TCF4: variants seen among roughly 807,000 people sequenced by gnomAD.
The protein encoded by TCF4 is transcription factor 4, also known as SL3-3 enhancer factor 2.
Under a neutral mutation model 82.1 loss-of-function variants are expected in TCF4, and 3 were observed. The ratio of observed to expected loss-of-function variants is 0.04; its 90% confidence interval spans 0.02 to 0.09. The LOEUF is 0.09. Ranked by LOEUF, TCF4 falls within the 10% of genes least tolerant of loss-of-function variation. The pLI, the probability that TCF4 is intolerant of heterozygous loss-of-function variation, is 1.00. For synonymous variants in TCF4, 276 were observed against 309.6 expected, an observed-to-expected ratio of 0.89 and a Z score of 1.14; for missense variants, 518 against 852.7, an observed-to-expected ratio of 0.61 and a Z score of 4.89.
chr18:55,561,144 T>C (rs2097351667), intron 3 of TCF4, among the ~76,000 whole-genome samples: 1 of 152,242 alleles, frequency 6.6e-6, no homozygotes. Flanking sequence ...TCTTCTTTTG[T>C]CTAAGAATCC....
chr18:55,484,822 A>G (rs911911251), intron 3 of TCF4, among the ~76,000 whole-genome samples: 4 of 152,200 alleles, frequency 2.6e-5, no homozygotes, highest in Non-Finnish European at 4.4e-5. Flanking sequence ...TGTTGGTCCA[A>G]TATCTATTTT....
rs1248618425 is a variant in TCF4 at position 55,633,136 on chromosome 18, T to C, written c.196-1748A>G. Reference sequence around the variant, plus strand: ...CCTCACAGTTTCTATGGGTTGGGTATTTGGAATGTGGCTTAGCCAGATAGT... The same window carrying C: ...CCTCACAGTTTCTATGGGTTGGGTACTTGGAATGTGGCTTAGCCAGATAGT... On this transcript the variant is annotated intron_variant, in intron 1 of 20. Coordinates refer to the TCF4 transcript ENST00000398339. This position sits in a 1 kb window ranked among gnomAD's most constrained non-coding sequence, Gnocchi z 4.0. Among the ~76,000 whole-genome samples the C allele has an allele frequency of 6.6e-6, 1 of 152,194 alleles. No individual in the cohort carries two copies. The highest frequency in any genetic ancestry group is 1.9e-4 in the East Asian group (1 of 5,200).
chr18:55,346,695 T>C (rs1439325060), intron 8 of TCF4, among the ~76,000 whole-genome samples: 1 of 152,210 alleles, frequency 6.6e-6, no homozygotes, highest in African/African-American at 2.4e-5. Context: ...AGTTTGTAGT[T>C]GTTAACAGTT....
intron 6 of TCF4, among the ~76,000 whole-genome samples, chr18:55,378,721 C>T (rs983255627): frequency 6.6e-6 from 1 of 152,228 alleles, no homozygotes; most frequent in East Asian, 1.9e-4. Flanking sequence ...GACCTTTTCT[C>T]TTCTCTTACA....
chr18:55,629,275 A>G (rs779014495), intron 2 of TCF4, among the ~76,000 whole-genome samples: 1 of 152,232 alleles, frequency 6.6e-6, no homozygotes, highest in African/African-American at 2.4e-5. Flanking sequence ...GTGGAAATGT[A>G]AAATTCATAC....
intron 5 of TCF4, among the ~76,000 whole-genome samples, chr18:55,430,539 C>T (rs1277672180): frequency 2.6e-5 from 4 of 152,056 alleles, no homozygotes; most frequent in African/African-American, 7.2e-5. Context: ...CCCAAGATCA[C>T]GCAGCTACTG....
intron 11 of TCF4, chr18:55,268,618 T>C (rs1180283224): frequency 2.6e-5 from 4 of 152,144 alleles, no homozygotes; most frequent in African/African-American, 9.7e-5. Flanking sequence ...AGATATATTA[T>C]TGAATACGCA....
At chr18:55,376,785 T>G (rs1303333085) in intron 6 of TCF4, among the ~76,000 whole-genome samples, 1 of 152,180 alleles carries the variant, frequency 6.6e-6, no homozygotes, top group Non-Finnish European at 1.5e-5. Context: ...CCCAAGAACC[T>G]CAATATGTTC....
intron 5 of TCF4, among the ~76,000 whole-genome samples, chr18:55,450,836 A>G (rs1239669497): frequency 1.3e-5 from 2 of 152,246 alleles, no homozygotes; most frequent in African/African-American, 4.8e-5. Flanking sequence ...CCTACAACAC[A>G]GGCAAAGAAA....
At chr18:55,278,562 G>GTTTT (rs377533914) in intron 9 of TCF4, among the ~76,000 whole-genome samples, 3,157 of 105,076 alleles carry the variant, frequency 0.03, 59 homozygotes, top group Non-Finnish European at 0.048. Context: ...TTATTTGTTT[G>GTTTT]TTTATTTATT....
chr18:55,623,453 A>G (rs1394437000), intron 2 of TCF4, among the ~76,000 whole-genome samples: 1 of 152,178 alleles, frequency 6.6e-6, no homozygotes, highest in East Asian at 1.9e-4. Flanking sequence ...AATAAGACAC[A>G]TTTTTTAAAC....
intron 3 of TCF4, among the ~76,000 whole-genome samples, chr18:55,471,466 C>T (rs1015486810): frequency 6.6e-6 from 1 of 152,064 alleles, no homozygotes; most frequent in East Asian, 1.9e-4. Flanking sequence ...TTTGGGAAGC[C>T]GAGGCAGGTG....
At chr18:55,381,923 T>C (rs568773454) in intron 6 of TCF4, among the ~76,000 whole-genome samples, 1 of 134,030 alleles carries the variant, frequency 7.5e-6, no homozygotes, top group Non-Finnish European at 1.6e-5. Flanking sequence ...TTTTTTTTTT[T>C]TTAAAAAAGG....
intron 8 of TCF4, among the ~76,000 whole-genome samples, chr18:55,338,604 T>C (rs542183429): frequency 5.9e-5 from 9 of 152,348 alleles, no homozygotes; most frequent in African/African-American, 2.2e-4. Flanking sequence ...CAGGTTTCCT[T>C]CTTTTTCTTT....
upstream of TCF4, among the ~76,000 whole-genome samples, chr18:55,592,684 G>A (rs757814711): frequency 6.6e-6 from 1 of 152,186 alleles, no homozygotes; most frequent in Non-Finnish European, 1.5e-5. Flanking sequence ...GACCCCAGGA[G>A]CGAAGAGGAA....
chr18:55,330,716 C>T lies in TCF4; in HGVS notation c.549+19643G>A, dbSNP rs1476100037. 2.0e-5 allele frequency among the ~76,000 whole-genome samples: 3 copies of T among 151,556 alleles called. 1 individual carries two copies. Among genetic ancestry groups the T allele is most frequent in the South Asian group, 4.2e-4 (2 of 4,782 alleles). ...GAGTGGCTGGGATTACCAGCATGCA[C>T]CACTACCACGCCTGGCTAATTTTTG... On this transcript the variant is annotated intron_variant, in intron 8 of 19. Coordinates refer to ENST00000354452, the MANE Select transcript of TCF4 (RefSeq NM_001083962.2).
intron 6 of TCF4, among the ~76,000 whole-genome samples, chr18:55,365,587 A>G (rs750531171): frequency 1.1e-4 from 16 of 152,102 alleles, no homozygotes; most frequent in Non-Finnish European, 2.2e-4. Context: ...ATAGGCTTTG[A>G]GGCACAAACA....
intron 3 of TCF4, among the ~76,000 whole-genome samples, chr18:55,560,353 T>C (rs1275542440): frequency 1.3e-5 from 2 of 152,236 alleles, no homozygotes; most frequent in Non-Finnish European, 2.9e-5. Flanking sequence ...CTAATAAGGG[T>C]ATTAACTGCT....
At chr18:55,498,933 T>C (rs1174348989) in intron 3 of TCF4, among the ~76,000 whole-genome samples, 2 of 152,146 alleles carry the variant, frequency 1.3e-5, no homozygotes, top group Admixed American at 6.5e-5. Flanking sequence ...AGTTAGGAAG[T>C]AGAGTTTTCA....
Sources: allele counts gnomAD v4.1 joint callset (sites outside exome capture counted in the v4.1 genomes callset), GRCh38; gene constraint gnomAD v4.1.1; non-coding constraint Gnocchi (gnomAD v3.1); transcripts MANE v1.5; gene names NCBI Gene and HGNC (gene_info 2026-07-23, HGNC 2026-07-21).